Variants in PER2 observed in about 807,000 individuals in gnomAD.
PER2 encodes the protein period circadian protein homolog 2.
In PER2, 66 loss-of-function variants were observed where a neutral mutation model predicts 121.0. The observed-to-expected ratio is 0.55, with a 90% CI of 0.45 to 0.67. The LOEUF is 0.67. Ranked by LOEUF, PER2 falls within the 30% of genes least tolerant of loss-of-function variation. PER2 has a pLI of 0.00. For synonymous variants in PER2, 684 were observed against 659.9 expected (o/e 1.04, Z -0.56); for missense variants, 1,521 against 1,635.0 (o/e 0.93, Z 1.20).
At chr2:238,261,466 G>A (rs981221496) in intron 12 of PER2, 13 of 532,194 alleles carry the variant, frequency 2.4e-5, no homozygotes, top group South Asian at 6.0e-5. Context: ...GTCAGAGCAC[G>A]GGGTCTGCAC....
In PER2 at chr2:238,257,053, G is replaced by A. The variant is rs778141128; in HGVS notation, c.1934C>T (p.Thr645Met). ...AEPPSRVNSR[T>M]GVGTHLTSLA... The stretch of plus-strand genomic sequence containing the variant: ...CGAGGTCAGGTGCGTACCTACTCCC[G>A]TGCGGCTGTTCACCCTGGAGGGCGG... Residue 645 changes from threonine (T) to methionine (M), a missense_variant, in exon 17 of 23, where the codon ACG becomes ATG. Physicochemically the swap from Thr to Met is moderately conservative, Grantham distance 81 (BLOSUM62 -1). Coordinates refer to ENST00000254657, the MANE Select transcript of PER2 (RefSeq NM_022817.3). The A allele has an allele frequency of 3.1e-5, 50 of 1,612,960 alleles. No homozygotes were observed. The highest frequency in any genetic ancestry group is 2.9e-4 in the South Asian group (26 of 91,074).
At chr2:238,266,939 C>T (rs2106312293) in intron 8 of PER2, among the ~76,000 whole-genome samples, 1 of 150,896 alleles carries the variant, frequency 6.6e-6, no homozygotes, top group South Asian at 2.1e-4. Context: ...GTCCCAGGTA[C>T]TTGGGAGGCT....
At position 238,268,534 on chromosome 2, in the gene PER2, A is replaced by T. The variant is rs1343316102; in HGVS notation, c.825-336T>A. ...GGTCTGGCTCGGGGTCACTCCTGAC[A>T]GTGCAGCTGGATGCTCAATCAGTCA... is the stretch of plus-strand genomic sequence containing the variant. On this transcript the variant is annotated intron_variant, in intron 7 of 22. Transcript: ENST00000254657. The surrounding 1 kb of genome is among the most constrained non-coding windows in gnomAD (Gnocchi z 4.0). 6.6e-6 allele frequency among the ~76,000 whole-genome samples: 1 copy of T among 152,206 alleles called. No individual in the cohort carries two copies. The highest frequency in any genetic ancestry group is 2.4e-5 in the African/African-American group (1 of 41,450).
At chr2:238,249,548 C>G (rs989138181) in intron 21 of PER2, among the ~76,000 whole-genome samples, 1 of 152,232 alleles carries the variant, frequency 6.6e-6, no homozygotes, top group Non-Finnish European at 1.5e-5. Context: ...TCCCCTGCCA[C>G]TGGCCTGTGC....
At chr2:238,259,874 C>T in intron 14 of PER2, 95 bp downstream of exon 14, 1 of 704,626 alleles carries the variant, frequency 1.4e-6, no homozygotes, top group Non-Finnish European at 2.6e-6. Flanking sequence ...GGTAGACTCC[C>T]TGCCAGCCAG....
chr2:238,276,832 C>T (rs571534496), intron 3 of PER2, among the ~76,000 whole-genome samples: 6 of 152,244 alleles, frequency 3.9e-5, no homozygotes, highest in African/African-American at 1.4e-4. Flanking sequence ...GTTACAAACA[C>T]CTACGAAGGG....
rs1481369924 is a variant in PER2 at position 238,252,775 on chromosome 2, A to G, written c.3111+137T>C. On this transcript the variant is annotated intron_variant, in intron 19 of 22. Transcript: ENST00000254657. The surrounding 1 kb of genome is among the most constrained non-coding windows in gnomAD (Gnocchi z 4.2). ...GGAAGCATGAATTTCTGGCACACAC[A>G]TTCATGGCAAAACCTACAGGGTTTG... 4.9e-6 allele frequency: 4 copies of G among 812,948 alleles called. No homozygotes were observed. The highest frequency in any genetic ancestry group is 4.8e-5 in the East Asian group (2 of 41,258). The allele number at this position is 812,948 out of a possible 1,614,324, so 50.4% of individuals were successfully genotyped here. A position where few individuals can be genotyped will look rare whatever the true frequency, so the allele number is the denominator to read the frequency against.
At chr2:238,260,139 A>G (rs1216451193) in intron 13 of PER2, 86 bp from the exon 14 acceptor site, 1 of 686,694 alleles carries the variant, frequency 1.5e-6, no homozygotes, top group Admixed American at 2.4e-5. Flanking sequence ...AGGATGGCTG[A>G]AATAATTTCA....
chr2:238,251,488 G>T, intron 20 of PER2, 111 bp downstream of exon 20: 1 of 952,282 alleles, frequency 1.1e-6, no homozygotes, highest in Non-Finnish European at 1.7e-6. Context: ...ACAGCTGCTT[G>T]GGGAGTGCCG....
rs550101060 is a variant in PER2, at chr2:238,258,410, A to T, written c.1776-10T>A. 1.2e-6 allele frequency: 2 copies of T among 1,614,156 alleles called. No homozygotes were observed. The highest frequency in any genetic ancestry group is 1.3e-5 in the African/African-American group (1 of 75,044). On this transcript the variant is annotated splice_polypyrimidine_tract_variant and intron_variant, in intron 15 of 22. Coordinates refer to ENST00000254657, the MANE Select transcript of PER2 (RefSeq NM_022817.3). ...GCAGCTCTCCAAGTACCTGTGTGAA[A>T]GGCATGAACCACTGGTGAGGCCACA...
upstream of PER2, chr2:238,289,058 A>C (rs995462222): frequency 5.9e-5 from 9 of 152,222 alleles, no homozygotes; most frequent in Non-Finnish European, 1.3e-4. Flanking sequence ...CCTTCCATTC[A>C]CTACGCCCTC....
intron 6 of PER2, among the ~76,000 whole-genome samples, chr2:238,269,283 C>T (rs1009413936): frequency 2.0e-5 from 3 of 152,122 alleles, no homozygotes; most frequent in African/African-American, 7.2e-5. Flanking sequence ...AACCACTGAA[C>T]ACACTCACGG....
chr2:238,256,784 G>A (rs970702066), intron 17 of PER2, 138 bp downstream of exon 17: 16 of 917,842 alleles, frequency 1.7e-5, no homozygotes, highest in East Asian at 9.6e-5. Flanking sequence ...TGCATTTTAC[G>A]TAACTGGATT....
chr2:238,298,031 CT>C, the PER2 span, among the ~76,000 whole-genome samples: 225 of 128,384 alleles, frequency 1.8e-3, no homozygotes, highest in African/African-American at 4.3e-3. Flanking sequence ...AGCTTTTGTT[CT>C]TTTTTTTTTT....
Position 238,244,602 on chromosome 2 carries a change from CATAGGCAGCTG to C in PER2, c.*1762_*1772del, listed in dbSNP as rs1268386697. The C allele has an allele frequency of 2.6e-5, 4 of 152,174 alleles. No homozygotes were observed. Among genetic ancestry groups the C allele is most frequent in the Non-Finnish European group, 4.4e-5 (3 of 68,038 alleles). The allele number at this position is 152,174 out of a possible 1,614,324, so 9.4% of individuals were successfully genotyped here. A position where few individuals can be genotyped will look rare whatever the true frequency, so the allele number is the denominator to read the frequency against. Reference sequence around the variant, plus strand: ...ATGCAGACTGCTACCTTATCATAGGCATAGGCAGCTGATGTTACTTTGTAAATTAACGAAAA... The same window carrying C: ...ATGCAGACTGCTACCTTATCATAGGCATGTTACTTTGTAAATTAACGAAAA... On this transcript the variant is annotated 3_prime_UTR_variant, in exon 23 of 23. Coordinates refer to ENST00000254657, the MANE Select transcript of PER2 (RefSeq NM_022817.3).
chr2:238,246,370 A>AT lies in PER2; in HGVS notation c.*4_*5insA, dbSNP rs1362150091. The AT allele has an allele frequency of 6.3e-7, 1 of 1,596,106 alleles. No individual in the cohort carries two copies. The highest frequency in any genetic ancestry group is 1.3e-5 in the African/African-American group (1 of 74,480). On this transcript the variant is annotated 3_prime_UTR_variant, in exon 23 of 23. Transcript: ENST00000254657. ...GCTGGCTGCCGGGCTGAGGTGGGGC[A>AT]GGGGTTACGTCTGCTCTTCGATCCT...
chr2:238,273,014 G>T, intron 5 of PER2, 56 bp downstream of exon 5: 1 of 1,579,698 alleles, frequency 6.3e-7, no homozygotes, highest in African/African-American at 1.3e-5. Flanking sequence ...GAGCTAGCTC[G>T]CCTGCAGGAG....
chr2:238,261,292 C>T (rs573606495), intron 12 of PER2: 39 of 395,608 alleles, frequency 9.9e-5, no homozygotes, highest in South Asian at 4.9e-4. Flanking sequence ...CCACAGTCTC[C>T]GGGAACTGAC....
rs1337553949 is a variant in PER2, at chr2:238,267,927, G to A, written c.967+129C>T. 15 of 977,772 alleles carry A rather than the reference G, an allele frequency of 1.5e-5. No individual in the cohort carries two copies. In the South Asian group the frequency reaches 2.0e-4, roughly 13 times the overall value. The allele number at this position is 977,772 out of a possible 1,614,324, so 60.6% of individuals were successfully genotyped here. On this transcript the variant is annotated intron_variant, in intron 8 of 22. Coordinates refer to ENST00000254657, the MANE Select transcript of PER2 (RefSeq NM_022817.3). ...GAAAGATGGAGACCCTGCCCAAGGTGAGGTGGAGAGGCCAAGGCTGGGGAA... is the reference window on the plus strand; with the variant it reads ...GAAAGATGGAGACCCTGCCCAAGGTAAGGTGGAGAGGCCAAGGCTGGGGAA...
Sources: gnomAD v4.1 joint callset for allele counts (sites outside exome capture counted in the v4.1 genomes callset) on GRCh38, gnomAD v4.1.1 for gene constraint, Gnocchi (gnomAD v3.1) non-coding constraint, MANE v1.5 for transcripts, NCBI Gene and HGNC (gene_info 2026-07-23, HGNC 2026-07-21) for gene names.